The following PCDHA3 variants were observed in gnomAD, a reference collection of about 807,000 sequenced individuals.
The protein encoded by PCDHA3 is protocadherin alpha-3.
Under a neutral mutation model 62.2 loss-of-function variants are expected in PCDHA3, and 41 were observed. The observed-to-expected ratio is 0.66, with a 90% confidence interval of 0.51 to 0.86. The LOEUF is 0.86. PCDHA3 is among the 40% of genes least tolerant of loss of function. The pLI, the probability that PCDHA3 is intolerant of heterozygous loss-of-function variation, is 0.00. For synonymous variants in PCDHA3, 640 were observed against 555.4 expected (o/e 1.15, Z -2.14); for missense variants, 1,304 against 1,241.2 (o/e 1.05, Z -0.76).
At chr5:140,910,985 A>G (rs1554194529) in intron 1 of PCDHA3, among the ~76,000 whole-genome samples, 1 of 151,754 alleles carries the variant, frequency 6.6e-6, no homozygotes, top group Non-Finnish European at 1.5e-5. Flanking sequence ...TATACTCTGA[A>G]CCTCACCCCT....
chr5:140,943,751 TAGG>T (rs1284418706), intron 1 of PCDHA3, among the ~76,000 whole-genome samples: 1 of 152,048 alleles, frequency 6.6e-6, no homozygotes, highest in Non-Finnish European at 1.5e-5. Flanking sequence ...CTAAAAGCAG[TAGG>T]AGATGTAGGA....
At position 140,801,260 on chromosome 5, in the gene PCDHA3, C is replaced by G. The variant is rs1290805371; in HGVS notation, c.63C>G (p.Leu21=). The part of the protein sequence containing the change: ...AQCLLLSLLL[L]AASEVGSGQL... ...GCCTGCTGCTTTCTCTTCTGCTCCT[C>G]GCAGCCTCGGAGGTGGGGAGCGGCC... Residue 21 remains leucine (L), a synonymous_variant, in exon 1 of 4, where the codon CTC becomes CTG. Coordinates refer to ENST00000522353, the MANE Select transcript of PCDHA3 (RefSeq NM_018906.3). 2 of 1,613,632 alleles carry G rather than the reference C, an allele frequency of 1.2e-6. No individual in the cohort carries two copies. The highest frequency in any genetic ancestry group is 1.7e-6 in the Non-Finnish European group (2 of 1,179,876).
intron 1 of PCDHA3, chr5:140,805,665 T>C: frequency 1.2e-6 from 1 of 841,872 alleles, no homozygotes; most frequent in Non-Finnish European, 1.4e-6. Context: ...TCCCCATTAA[T>C]ACCCAGGATG....
Position 140,858,257 on chromosome 5 carries a change from C to CTG in PCDHA3, c.2394+54667_2394+54668dup, listed in dbSNP as rs1554151340. 2 of 1,596,552 alleles carry CTG rather than the reference C, an allele frequency of 1.3e-6. 1 individual carries two copies. Among genetic ancestry groups the CTG allele is most frequent in the African/African-American group, 2.7e-5 (2 of 74,280 alleles). ...CGCATGTGGGCCGGTGAAGCCCACGCTGGTGTGCTCTAGCGCGGTGGGGAG... is the reference window on the plus strand; with the variant it reads ...CGCATGTGGGCCGGTGAAGCCCACGCTGTGGTGTGCTCTAGCGCGGTGGGGAG... On this transcript the variant is annotated intron_variant, in intron 1 of 3. Coordinates refer to ENST00000522353, the MANE Select transcript of PCDHA3 (RefSeq NM_018906.3).
At chr5:140,870,441 C>T in intron 1 of PCDHA3, 2 of 1,614,224 alleles carry the variant, frequency 1.2e-6, no homozygotes, top group South Asian at 1.1e-5. Context: ...AGGTGGCCGA[C>T]GTGAACGACA....
At chr5:140,997,465 A>G (rs1427334533) in intron 3 of PCDHA3, among the ~76,000 whole-genome samples, 1 of 152,182 alleles carries the variant, frequency 6.6e-6, no homozygotes, top group Non-Finnish European at 1.5e-5. Flanking sequence ...ACTGTAGGCA[A>G]TTTTTACACA....
At chr5:140,960,208 C>T (rs1295278624) in intron 1 of PCDHA3, among the ~76,000 whole-genome samples, 2 of 151,976 alleles carry the variant, frequency 1.3e-5, no homozygotes, top group Non-Finnish European at 2.9e-5. Flanking sequence ...GATGTTATTT[C>T]AGGATCTCAA....
At chr5:140,905,211 G>T (rs1554191947) in intron 1 of PCDHA3, among the ~76,000 whole-genome samples, 1 of 152,130 alleles carries the variant, frequency 6.6e-6, no homozygotes, top group South Asian at 2.1e-4. Context: ...GTTGATTTTT[G>T]TGTAAGGTGA....
chr5:140,909,280 T>C (rs1353122604), intron 1 of PCDHA3, among the ~76,000 whole-genome samples: 3 of 152,212 alleles, frequency 2.0e-5, no homozygotes, highest in African/African-American at 7.2e-5. Flanking sequence ...TTGCTTCTGG[T>C]GGGCCTTATG....
intron 3 of PCDHA3, among the ~76,000 whole-genome samples, chr5:140,986,945 C>G (rs1295830111): frequency 1.3e-5 from 2 of 151,946 alleles, no homozygotes; most frequent in Non-Finnish European, 2.9e-5. Context: ...TGGGTGTGGT[C>G]GCTCATGCCT....
At chr5:140,927,899 A>G (rs1554205221) in intron 1 of PCDHA3, 2 of 1,614,194 alleles carry the variant, frequency 1.2e-6, no homozygotes, top group Admixed American at 1.7e-5. Context: ...GTGAACGATC[A>G]TGCCCCCGAA....
chr5:140,850,772 C>A lies in PCDHA3; in HGVS notation c.2394+47181C>A, dbSNP rs2041813098. 4.4e-6 allele frequency: 7 copies of A among 1,598,004 alleles called. 1 individual carries two copies. Among genetic ancestry groups the A allele is most frequent in the Non-Finnish European group, 6.0e-6 (7 of 1,167,724 alleles). Reference sequence around the variant, plus strand: ...CGCAGCAGAGGAGGCAGAGGGTGTGCTCTGGCGAGGGTAAGCAGAAGACCG... The same window carrying A: ...CGCAGCAGAGGAGGCAGAGGGTGTGATCTGGCGAGGGTAAGCAGAAGACCG... On this transcript the variant is annotated intron_variant, in intron 1 of 3. Transcript: ENST00000522353.
intron 3 of PCDHA3, among the ~76,000 whole-genome samples, chr5:141,002,788 A>G (rs1013908430): frequency 6.6e-6 from 1 of 152,192 alleles, no homozygotes; most frequent in Admixed American, 6.5e-5. Context: ...TCTCCATTTT[A>G]TGGATGAGGA....
intron 1 of PCDHA3, among the ~76,000 whole-genome samples, chr5:140,917,333 G>C (rs1301739777): frequency 6.7e-5 from 10 of 148,748 alleles, no homozygotes; most frequent in East Asian, 2.0e-4. Flanking sequence ...GCGGGGGAGG[G>C]GGGGGATGGT....
chr5:140,871,588 T>C, intron 1 of PCDHA3: 1 of 1,463,366 alleles, frequency 6.8e-7, no homozygotes, highest in Non-Finnish European at 9.1e-7. Context: ...GAAAGTTTTA[T>C]GAATAACCAG....
intron 1 of PCDHA3, chr5:140,862,697 T>C (rs2047497328): frequency 1.8e-6 from 1 of 556,706 alleles, no homozygotes; most frequent in East Asian, 5.0e-5. Context: ...TACTCGTTGA[T>C]GGAACAGCGG....
intron 1 of PCDHA3, chr5:140,869,729 A>C (rs1554163384): frequency 6.2e-7 from 1 of 1,613,280 alleles, no homozygotes; most frequent in Admixed American, 1.7e-5. Context: ...CCGGAACTTA[A>C]TTTGCTGCTA....
intron 1 of PCDHA3, chr5:140,877,601 T>A (rs2057236715): frequency 6.2e-7 from 1 of 1,613,744 alleles, no homozygotes; most frequent in Non-Finnish European, 8.5e-7. Flanking sequence ...GTGTCCAGCC[T>A]GCTGGTGCTC....
Position 140,856,045 on chromosome 5 carries a change from T to C in PCDHA3, c.2394+52454T>C, listed in dbSNP as rs1554148107. 3 of 1,581,954 alleles carry C rather than the reference T, an allele frequency of 1.9e-6. 1 individual carries two copies. In the African/African-American group the frequency reaches 4.1e-5, roughly 21 times the overall value. ...GTCGATTTGTAAAACAAGAGAAGGATAAGATGGTTTCCAGATGTAGCTGCC... is the reference window on the plus strand; with the variant it reads ...GTCGATTTGTAAAACAAGAGAAGGACAAGATGGTTTCCAGATGTAGCTGCC... On this transcript the variant is annotated intron_variant, in intron 1 of 3. Coordinates refer to ENST00000522353, the MANE Select transcript of PCDHA3 (RefSeq NM_018906.3).
Sources: gnomAD v4.1 joint callset for allele counts (sites outside exome capture counted in the v4.1 genomes callset) on GRCh38, gnomAD v4.1.1 for gene constraint, MANE v1.5 for transcripts, NCBI Gene and HGNC (gene_info 2026-07-23, HGNC 2026-07-21) for gene names.